KCTD16: variants seen among roughly 807,000 people sequenced by gnomAD.
The protein encoded by KCTD16 is BTB/POZ domain-containing protein KCTD16.
KCTD16 carries 13 observed loss-of-function variants against 33.2 expected under a neutral mutation model. The observed-to-expected ratio is 0.39, with a 90% CI of 0.25 to 0.62. The LOEUF (loss-of-function observed/expected upper bound fraction) is 0.62. KCTD16 is among the 20% of genes least tolerant of loss of function. The pLI is 0.50. For missense variants in KCTD16, 441 were observed against 525.1 expected (o/e 0.84, Z 1.57); for synonymous variants, 197 against 195.3 (o/e 1.01, Z -0.07).
intron 3 of KCTD16, among the ~76,000 whole-genome samples, chr5:144,373,879 AG>A (rs996575921): frequency 3.9e-5 from 6 of 152,334 alleles, no homozygotes; most frequent in African/African-American, 1.4e-4. Context: ...TGGCTTCTGT[AG>A]CAAATGAGCC....
chr5:144,185,096 A>G (rs1752699121), intron 2 of KCTD16, among the ~76,000 whole-genome samples: 1 of 152,204 alleles, frequency 6.6e-6, no homozygotes. Context: ...ACTGTTAACT[A>G]TCTTCATTTT....
At chr5:144,417,873 G>A (rs529049781) in intron 3 of KCTD16, among the ~76,000 whole-genome samples, 1 of 152,102 alleles carries the variant, frequency 6.6e-6, no homozygotes, top group African/African-American at 2.4e-5. Flanking sequence ...GTTCCTTCCT[G>A]TGGATTCCTG....
chr5:144,395,559 T>A (rs1431366516), intron 3 of KCTD16, among the ~76,000 whole-genome samples: 1 of 152,178 alleles, frequency 6.6e-6, no homozygotes, highest in Non-Finnish European at 1.5e-5. Flanking sequence ...GAACCTGTAG[T>A]AGTCTTCTCT....
At chr5:144,372,448 C>A (rs534076937) in intron 3 of KCTD16, among the ~76,000 whole-genome samples, 1 of 152,264 alleles carries the variant, frequency 6.6e-6, no homozygotes, top group South Asian at 2.1e-4. Flanking sequence ...TCTTTAGAGG[C>A]TCATCATTTG....
At chr5:144,199,831 T>C (rs1031601800) in intron 2 of KCTD16, among the ~76,000 whole-genome samples, 1 of 149,954 alleles carries the variant, frequency 6.7e-6, no homozygotes, top group Non-Finnish European at 1.5e-5. Context: ...ATTCCCCTGA[T>C]TCAGCCTCCC....
intron 3 of KCTD16, among the ~76,000 whole-genome samples, chr5:144,225,228 A>AT (rs1186771538): frequency 5.3e-5 from 8 of 151,888 alleles, no homozygotes; most frequent in Non-Finnish European, 8.8e-5. Flanking sequence ...AACATGGCTG[A>AT]TTTTTTTTCT....
intron 2 of KCTD16, among the ~76,000 whole-genome samples, chr5:144,193,611 G>A (rs1164450643): frequency 1.3e-5 from 2 of 151,848 alleles, no homozygotes; most frequent in African/African-American, 2.4e-5. Flanking sequence ...ATTTGTTTAT[G>A]ATCTGTGTGT....
At chr5:144,322,005 A>C (rs1222706762) in intron 3 of KCTD16, among the ~76,000 whole-genome samples, 3 of 152,176 alleles carry the variant, frequency 2.0e-5, no homozygotes, top group Non-Finnish European at 4.4e-5. Flanking sequence ...ATACAGATAA[A>C]TCAAAATAAA....
chr5:144,234,095 G>A lies in KCTD16; in HGVS notation c.832+26549G>A, dbSNP rs535262588. Among the ~76,000 whole-genome samples the A allele has an allele frequency of 1.9e-4, 29 of 152,224 alleles. No homozygotes were observed. The South Asian group carries it at 4.8e-3, about 25-fold the overall frequency. On this transcript the variant is annotated intron_variant, in intron 3 of 3. Coordinates refer to ENST00000512467, the MANE Select transcript of KCTD16 (RefSeq NM_020768.4). ...CTGTACTTTGGTTTTGTACTGAAGC[G>A]TTTGCATTCCTAATCATCTGATGTC...
intron 3 of KCTD16, among the ~76,000 whole-genome samples, chr5:144,287,802 A>T (rs1479420138): frequency 6.6e-6 from 1 of 151,850 alleles, no homozygotes; most frequent in African/African-American, 2.4e-5. Context: ...CATCTGGCTA[A>T]TTTTTTTATT....
chr5:144,278,223 T>C (rs1755491638), intron 3 of KCTD16, among the ~76,000 whole-genome samples: 1 of 152,044 alleles, frequency 6.6e-6, no homozygotes, highest in South Asian at 2.1e-4. Context: ...AAACTTTTTT[T>C]GTATATGGGT....
At chr5:144,386,624 A>C (rs1752329414) in intron 3 of KCTD16, among the ~76,000 whole-genome samples, 1 of 152,232 alleles carries the variant, frequency 6.6e-6, no homozygotes, top group Admixed American at 6.5e-5. Flanking sequence ...GACAGGGAAC[A>C]CATTTCCATC....
At chr5:144,293,840 A>C (rs1435897676) in intron 3 of KCTD16, among the ~76,000 whole-genome samples, 1 of 152,218 alleles carries the variant, frequency 6.6e-6, no homozygotes, top group Non-Finnish European at 1.5e-5. Context: ...TTTTAACTAG[A>C]ATATAAACCA....
chr5:144,458,010 C>T (rs1484000559), intron 3 of KCTD16, among the ~76,000 whole-genome samples: 1 of 152,182 alleles, frequency 6.6e-6, no homozygotes. Context: ...GAGGAATTTC[C>T]ATTTCACATT....
chr5:144,264,770 TCAAA>T (rs1245629830), intron 3 of KCTD16, among the ~76,000 whole-genome samples: 1 of 152,130 alleles, frequency 6.6e-6, no homozygotes, highest in Non-Finnish European at 1.5e-5. Flanking sequence ...AGACCCTGTC[TCAAA>T]CAAACAAACA....
At chr5:144,317,834 C>T (rs1267578327) in intron 3 of KCTD16, among the ~76,000 whole-genome samples, 4 of 152,190 alleles carry the variant, frequency 2.6e-5, no homozygotes, top group Non-Finnish European at 5.9e-5. Context: ...TAGTATGCAT[C>T]ACCTGGATTT....
Position 144,348,655 on chromosome 5 carries a change from T to C in KCTD16, c.833-125005T>C, listed in dbSNP as rs530789547. Among the ~76,000 whole-genome samples, 4 of 152,360 alleles carry C rather than the reference T, an allele frequency of 2.6e-5. No homozygotes were observed. In the East Asian group the frequency reaches 7.7e-4, roughly 29 times the overall value. On this transcript the variant is annotated intron_variant, in intron 3 of 3. Coordinates refer to ENST00000512467, the MANE Select transcript of KCTD16 (RefSeq NM_020768.4). ...CTATGGCCAGAGTTAGTTACAAAGATATTGTATTCTGAATAATTAAGAACA... is the reference window on the plus strand; with the variant it reads ...CTATGGCCAGAGTTAGTTACAAAGACATTGTATTCTGAATAATTAAGAACA...
intron 3 of KCTD16, among the ~76,000 whole-genome samples, chr5:144,322,698 C>T (rs1223648215): frequency 1.4e-5 from 2 of 145,024 alleles, no homozygotes; most frequent in African/African-American, 2.6e-5. Context: ...GTGCTTCTCA[C>T]AATAACAACA....
intron 3 of KCTD16, among the ~76,000 whole-genome samples, chr5:144,314,142 A>G (rs1751843076): frequency 6.6e-6 from 1 of 152,246 alleles, no homozygotes; most frequent in Non-Finnish European, 1.5e-5. Context: ...CATTTCACTT[A>G]GAACAAAAGA....
Sources: allele counts gnomAD v4.1 joint callset (sites outside exome capture counted in the v4.1 genomes callset), GRCh38; gene constraint gnomAD v4.1.1; transcripts MANE v1.5; gene names NCBI Gene and HGNC (gene_info 2026-07-23, HGNC 2026-07-21).